Variants in PLEKHG5 observed in about 807,000 individuals in gnomAD.
PLEKHG5 encodes pleckstrin homology domain-containing family G member 5.
Under a neutral mutation model 103.8 loss-of-function variants are expected in PLEKHG5, and 52 were observed. That is an observed-to-expected ratio of 0.50 (90% CI 0.40 to 0.63). PLEKHG5 has a LOEUF of 0.63. Ranked by LOEUF, PLEKHG5 falls within the 30% of genes least tolerant of loss-of-function variation. The pLI is 0.00. For missense variants in PLEKHG5, 1,205 were observed against 1,347.6 expected (o/e 0.89, Z 1.66); for synonymous variants, 592 against 575.5 (o/e 1.03, Z -0.41).
chr1:6,480,573 C>T (rs1326631443), intron 1 of PLEKHG5, among the ~76,000 whole-genome samples: 1 of 151,482 alleles, frequency 6.6e-6, no homozygotes, highest in East Asian at 1.9e-4. Context: ...AGCTTGCGGT[C>T]CTAAGAGCTT....
chr1:6,473,546 G>T, intron 7 of PLEKHG5, 92 bp from the exon 8 acceptor site: 1 of 975,516 alleles, frequency 1.0e-6, no homozygotes, highest in South Asian at 1.7e-5. Flanking sequence ...GGCCAGCCTG[G>T]GATGGAGGAG....
At chr1:6,475,899 G>C (rs1300435441) in intron 3 of PLEKHG5, 32 bp downstream of exon 3, 1 of 1,553,638 alleles carries the variant, frequency 6.4e-7, no homozygotes, top group Non-Finnish European at 8.9e-7. Flanking sequence ...GGGCCCTCCA[G>C]GTATCTCTCT....
upstream of PLEKHG5, among the ~76,000 whole-genome samples, chr1:6,500,434 G>C (rs898095823): frequency 6.6e-6 from 1 of 152,008 alleles, no homozygotes; most frequent in South Asian, 2.1e-4. Flanking sequence ...CTGCCTCTTC[G>C]TAGCAACCCC....
chr1:6,475,302 G>C (rs191891713), intron 4 of PLEKHG5, among the ~76,000 whole-genome samples, 160 bp downstream of exon 4: 7 of 134,854 alleles, frequency 5.2e-5, no homozygotes, highest in Non-Finnish European at 1.1e-4. Flanking sequence ...CTCCGGTCTC[G>C]GATGGGAACC....
exon 1 of PLEKHG5, chr1:6,519,656 C>A: frequency 1.4e-6 from 1 of 712,492 alleles, no homozygotes. Flanking sequence ...GACTCAGCCC[C>A]AGTCTTAATT....
chr1:6,496,994 C>A, upstream of PLEKHG5: 1 of 1,528,230 alleles, frequency 6.5e-7, no homozygotes, highest in South Asian at 1.2e-5. Context: ...AGAGGAGCCC[C>A]CGAAGGTCTG....
In PLEKHG5 at chr1:6,516,838, GTA is replaced by G. The variant is rs373625736; in HGVS notation, c.-165+2605_-165+2606del. Among the ~76,000 whole-genome samples, 1,354 of 139,094 alleles carry G rather than the reference GTA, an allele frequency of 9.7e-3. 16 individuals carry two copies. The highest frequency in any genetic ancestry group is 0.024 in the African/African-American group (885 of 37,004). 91.3% of individuals were successfully genotyped at this position (139,094 alleles called of 152,430 possible). ...TATATATATGTGTATATATGTGTGTGTATATATATATGTGTGTGTATATATGT... is the reference window on the plus strand; with the variant it reads ...TATATATATGTGTATATATGTGTGTGTATATATATGTGTGTGTATATATGT... On this transcript the variant is annotated intron_variant, in intron 1 of 21. Coordinates refer to the PLEKHG5 transcript ENST00000377740.
Position 6,486,985 on chromosome 1 carries a change from C to T in PLEKHG5, c.-88+4652G>A, listed in dbSNP as rs2148616467. On this transcript the variant is annotated intron_variant, in intron 1 of 20. Coordinates refer to ENST00000377728, the MANE Select transcript of PLEKHG5 (RefSeq NM_020631.6). This position sits in a 1 kb window ranked among gnomAD's most constrained non-coding sequence, Gnocchi z 5.3. ...ATGGGGAAAGAGGGTGGGAAGGGGGCCAGGGTCCGTGAGATGGCTTTGGGA... is the reference window on the plus strand; with the variant it reads ...ATGGGGAAAGAGGGTGGGAAGGGGGTCAGGGTCCGTGAGATGGCTTTGGGA... Among the ~76,000 whole-genome samples the T allele has an allele frequency of 6.6e-6, 1 of 152,256 alleles. No homozygotes were observed. Among genetic ancestry groups the T allele is most frequent in the Admixed American group, 6.5e-5 (1 of 15,298 alleles).
chr1:6,473,650 C>G (rs1484584247), intron 7 of PLEKHG5, among the ~76,000 whole-genome samples, 196 bp from the exon 8 acceptor site: 1 of 152,154 alleles, frequency 6.6e-6, no homozygotes, highest in Non-Finnish European at 1.5e-5. Flanking sequence ...CCCAGACTAT[C>G]ATCCCCCAGT....
At chr1:6,472,466 T>C (rs948100816) in intron 10 of PLEKHG5, 61 bp downstream of exon 10, 1 of 1,182,636 alleles carries the variant, frequency 8.5e-7, no homozygotes, top group Non-Finnish European at 1.3e-6. Flanking sequence ...CAGACTCAGC[T>C]GAGGGCTGTC....
intron 1 of PLEKHG5, 35 bp from the exon 2 acceptor site, chr1:6,477,693 G>C (rs761696665): frequency 1.3e-6 from 2 of 1,594,352 alleles, no homozygotes; most frequent in Non-Finnish European, 1.7e-6. Flanking sequence ...GGAGGTCCAC[G>C]AGATCCACCA....
rs1645051536 is a variant in PLEKHG5 at position 6,486,941 on chromosome 1, T to A, written c.-88+4696A>T. Among the ~76,000 whole-genome samples the A allele has an allele frequency of 6.6e-6, 1 of 151,888 alleles. No homozygotes were observed. Among genetic ancestry groups the A allele is most frequent in the Non-Finnish European group, 1.5e-5 (1 of 67,960 alleles). ...CATCAGCCCACCCACCCCTAATTGC[T>A]CCTCCTCCACCTGGTTCCATGGGGA... On this transcript the variant is annotated intron_variant, in intron 1 of 20. Transcript: ENST00000377728. The surrounding 1 kb of genome is among the most constrained non-coding windows in gnomAD (Gnocchi z 5.3).
Position 6,467,913 on chromosome 1 carries a change from C to G in PLEKHG5, c.2923G>C (p.Gly975Arg), listed in dbSNP as rs752990089. Residue 975 changes from glycine (G) to arginine (R), a missense_variant, in exon 20 of 21, where the codon GGG becomes CGG. Gly to Arg is a moderately radical substitution (Grantham distance 125). Coordinates refer to ENST00000377728, the MANE Select transcript of PLEKHG5 (RefSeq NM_020631.6). Reference protein sequence around the residue: ...SPRVQPEPPPGVSAQHRKLTL... With the variant: ...SPRVQPEPPPRVSAQHRKLTL... ...AGCTTCCTGTGCTGGGCAGAGACCC[C>G]TGGTGGGGGCTCAGGCTGGACCCTG... The G allele has an allele frequency of 6.2e-6, 10 of 1,600,670 alleles. No homozygotes were observed. Among genetic ancestry groups the G allele is most frequent in the Non-Finnish European group, 8.5e-6 (10 of 1,174,252 alleles).
At chr1:6,509,177 C>T (rs368590419) in intron 1 of PLEKHG5, among the ~76,000 whole-genome samples, 1 of 152,238 alleles carries the variant, frequency 6.6e-6, no homozygotes, top group Non-Finnish European at 1.5e-5. Flanking sequence ...TGTGCCCTCA[C>T]GCGGGCTGCC....
upstream of PLEKHG5, among the ~76,000 whole-genome samples, chr1:6,500,466 C>T (rs560143542): frequency 6.6e-5 from 10 of 152,158 alleles, no homozygotes; most frequent in Admixed American, 2.0e-4. Flanking sequence ...CCAGCCTAAG[C>T]GGTGTCTGCT....
In PLEKHG5 at chr1:6,487,124, G is replaced by A. The variant is rs528446166; in HGVS notation, c.-88+4513C>T. ...AGAGTTGTGTTTTTGTTTTTTGTTT[G>A]TTTGTTTTTGAGACGGAATCTTGCT... On this transcript the variant is annotated intron_variant, in intron 1 of 20. Transcript: ENST00000377728. The surrounding 1 kb of genome is among the most constrained non-coding windows in gnomAD (Gnocchi z 4.1). 8.5e-4 allele frequency among the ~76,000 whole-genome samples: 130 copies of A among 152,236 alleles called. No individual in the cohort carries two copies. The highest frequency in any genetic ancestry group is 3.0e-3 in the African/African-American group (123 of 41,546).
rs1483207984 is a variant in PLEKHG5 at position 6,505,457 on chromosome 1, C to A, written c.-164-8888G>T. Among the ~76,000 whole-genome samples the A allele has an allele frequency of 2.0e-5, 3 of 152,132 alleles. No homozygotes were observed. The East Asian group carries it at 5.8e-4, about 29-fold the overall frequency. On this transcript the variant is annotated intron_variant, in intron 1 of 21. Transcript: ENST00000377740. This position sits in a 1 kb window ranked among gnomAD's most constrained non-coding sequence, Gnocchi z 4.2. Reference sequence around the variant, plus strand: ...CAGTGACCCCCAAGGCATCATTATTCCCATTCACAGCTCCCCAACCTCTCA... The same window carrying A: ...CAGTGACCCCCAAGGCATCATTATTACCATTCACAGCTCCCCAACCTCTCA...
In PLEKHG5 at chr1:6,474,153, G is replaced by T. The variant is rs749348996; in HGVS notation, c.451C>A (p.Pro151Thr). 1.9e-6 allele frequency: 3 copies of T among 1,613,380 alleles called. No individual in the cohort carries two copies. The highest frequency in any genetic ancestry group is 2.5e-6 in the Non-Finnish European group (3 of 1,179,966). The change falls in exon 7 of 21, where the codon CCT (proline) becomes ACT (threonine). Residue 151 changes from proline to threonine, a missense_variant. By Grantham distance (38) the Pro-to-Thr change is conservative. Transcript: ENST00000377728. Reference protein sequence around the residue: ...HYLRVKAPAKPGDEGKVEQGM... With the variant: ...HYLRVKAPAKTGDEGKVEQGM... ...TGCTCCACCTTGCCCTCATCTCCAG[G>T]CTTGGCTGGGGCTGCATGTGGGGGC... is the stretch of plus-strand genomic sequence containing the variant.
rs373133607 is a variant in PLEKHG5, at chr1:6,470,364, G to C, written c.1681-9C>G. ...AGAAATTCCTTCAGGAGCTGGGGAC[G>C]GATGGCGTGAACGTAGGGGAGGCCA... On this transcript the variant is annotated splice_polypyrimidine_tract_variant and intron_variant, in intron 15 of 20. Transcript: ENST00000377728. The C allele has an allele frequency of 5.1e-5, 82 of 1,613,816 alleles. No homozygotes were observed. Among genetic ancestry groups the C allele is most frequent in the Non-Finnish European group, 6.3e-5 (74 of 1,179,996 alleles).
Sources: gnomAD v4.1 joint callset for allele counts (sites outside exome capture counted in the v4.1 genomes callset) on GRCh38, gnomAD v4.1.1 for gene constraint, Gnocchi (gnomAD v3.1) non-coding constraint, MANE v1.5 for transcripts, NCBI Gene and HGNC (gene_info 2026-07-23, HGNC 2026-07-21) for gene names.